The following KIF25 variants were observed in gnomAD, a reference collection of about 807,000 sequenced individuals.
KIF25 encodes the protein kinesin family member 25, also known as kinesin-like protein KIF25.
Under a neutral mutation model 32.9 loss-of-function variants are expected in KIF25, and 19 were observed. The ratio of observed to expected loss-of-function variants is 0.58; its 90% confidence interval spans 0.40 to 0.85. The LOEUF is 0.85. KIF25 is among the 40% of genes least tolerant of loss of function. KIF25 has a pLI of 0.00. For missense variants in KIF25, 485 were observed against 507.0 expected, an observed-to-expected ratio of 0.96 and a Z score of 0.42; for synonymous variants, 225 against 213.7, an observed-to-expected ratio of 1.05 and a Z score of -0.46.
chr6:168,032,336 G>A (rs183742998), intron 7 of KIF25, among the ~76,000 whole-genome samples: 1 of 152,322 alleles, frequency 6.6e-6, no homozygotes, highest in East Asian at 1.9e-4. Flanking sequence ...TTCTTAAATG[G>A]TTGAAAGACT....
At chr6:168,042,948 G>T (rs1395603366) in intron 12 of KIF25, among the ~76,000 whole-genome samples, 2 of 152,118 alleles carry the variant, frequency 1.3e-5, no homozygotes, top group Non-Finnish European at 2.9e-5. Flanking sequence ...TCCTGGTTGG[G>T]GCTCAGTTTC....
At chr6:168,036,804 A>G (rs1020856148) in intron 8 of KIF25, among the ~76,000 whole-genome samples, 2 of 152,212 alleles carry the variant, frequency 1.3e-5, no homozygotes, top group African/African-American at 4.8e-5. Context: ...GCTCACACCT[A>G]TAATCCCATA....
At chr6:168,024,828 A>T (rs992860051) in intron 5 of KIF25, among the ~76,000 whole-genome samples, 5 of 152,188 alleles carry the variant, frequency 3.3e-5, no homozygotes, top group South Asian at 2.1e-4. Context: ...AGGTGGGTGG[A>T]TCACCTGAGG....
chr6:168,017,154 C>A (rs533773691), intron 4 of KIF25, among the ~76,000 whole-genome samples: 3 of 152,350 alleles, frequency 2.0e-5, no homozygotes, highest in African/African-American at 7.2e-5. Flanking sequence ...CAGCTTTTGT[C>A]TTTATAAAAT....
At chr6:168,008,750 A>T (rs756614121) in intron 4 of KIF25, among the ~76,000 whole-genome samples, 58 of 151,992 alleles carry the variant, frequency 3.8e-4, no homozygotes, top group Admixed American at 1.3e-4. Context: ...AATTTCTTTC[A>T]TTAGTGTTTT....
rs1481557757 is a variant in KIF25 at position 167,998,148 on chromosome 6, C to G, written c.-1321C>G. On this transcript the variant is annotated 5_prime_UTR_variant, in exon 1 of 13. Transcript: ENST00000643607. ...AAGCACCTGGCACTTCAGAAAGTCT[C>G]ACTACGCTGCAGCTTTTTTTTTTTT... is the stretch of plus-strand genomic sequence containing the variant. 6.6e-5 allele frequency: 10 copies of G among 151,242 alleles called. 1 individual carries two copies. Among genetic ancestry groups the G allele is most frequent in the Admixed American group, 6.6e-4 (10 of 15,212 alleles). 9.4% of individuals were successfully genotyped at this position (151,242 alleles called of 1,614,324 possible).
intron 8 of KIF25, among the ~76,000 whole-genome samples, chr6:168,034,505 C>G (rs1239250679): frequency 6.6e-6 from 1 of 152,144 alleles, no homozygotes. Context: ...GTGATCCACT[C>G]GCCTCGGCCT....
At position 168,040,078 on chromosome 6, in the gene KIF25, G is replaced by C. The variant is rs762420155; in HGVS notation, c.508G>C (p.Ala170Pro). Residue 170 changes from alanine (A) to proline (P), a missense_variant, in exon 10 of 13, where the codon GCC (alanine) becomes CCC (proline). By Grantham distance (27) the Ala-to-Pro change is conservative. Around this residue, in one of 2 missense-constraint regions of KIF25, gnomAD observed 480 missense variants for 470.3 expected, o/e 1.02. Coordinates refer to ENST00000643607, the MANE Select transcript of KIF25 (RefSeq NM_030615.4). ...CCTTGTCTGTAGGGCTGTCGGCAGC[G>C]CCTCGAAACTGATGGAGCTCGTTCA... ...ALLASEAVGSASKLMELVHGG... is the reference protein window; with the variant it reads ...ALLASEAVGSPSKLMELVHGG... The C allele has an allele frequency of 1.8e-5, 29 of 1,612,834 alleles. No individual in the cohort carries two copies. The highest frequency in any genetic ancestry group is 2.2e-5 in the Non-Finnish European group (26 of 1,179,456).
At chr6:168,032,011 G>A (rs975134969) in intron 7 of KIF25, among the ~76,000 whole-genome samples, 1 of 152,160 alleles carries the variant, frequency 6.6e-6, no homozygotes, top group African/African-American at 2.4e-5. Flanking sequence ...CATTGGCTCT[G>A]GAATGTCTGG....
chr6:168,042,867 C>T (rs751244818), intron 12 of KIF25, 151 bp downstream of exon 12: 82 of 901,620 alleles, frequency 9.1e-5, no homozygotes, highest in African/African-American at 7.8e-4. Flanking sequence ...TCCCACGGCA[C>T]GGTGGTCATT....
At chr6:168,031,024 A>T (rs1430391100) in intron 7 of KIF25, among the ~76,000 whole-genome samples, 177 bp downstream of exon 7, 2 of 152,156 alleles carry the variant, frequency 1.3e-5, no homozygotes, top group African/African-American at 4.8e-5. Context: ...CTATTTCCGC[A>T]CCCTGGGAAA....
rs1400100013 is a variant in KIF25, at chr6:168,042,608, A to AGCC, written c.880_882dup (p.Arg294dup). 6.2e-7 allele frequency: 1 copy of AGCC among 1,613,996 alleles called. No individual in the cohort carries two copies. Among genetic ancestry groups the AGCC allele is most frequent in the Non-Finnish European group, 8.5e-7 (1 of 1,179,994 alleles). Reference sequence around the variant, plus strand: ...GGCCCTGAGGGAGATGGCGTGCATCAGCCGCAGCCTTGCGGCCCTGGCAGG... The same window carrying AGCC: ...GGCCCTGAGGGAGATGGCGTGCATCAGCCGCCGCAGCCTTGCGGCCCTGGCAGG... On this transcript the variant is annotated inframe_insertion, in exon 12 of 13. Transcript: ENST00000643607.
rs770979239 is a variant in KIF25, at chr6:168,030,760, CTT to C, written c.93-11_93-10del. ...TGCTTCTATTAATACAGCATTTTCA[CTT>C]TGTCTCTCAGGGTTTATGGTCCAGC... On this transcript the variant is annotated splice_polypyrimidine_tract_variant and intron_variant, in intron 6 of 12. Coordinates refer to ENST00000643607, the MANE Select transcript of KIF25 (RefSeq NM_030615.4). The C allele has an allele frequency of 1.6e-5, 25 of 1,602,666 alleles. No individual in the cohort carries two copies. In the South Asian group the frequency reaches 2.7e-4, roughly 17 times the overall value.
At chr6:168,024,832 C>A (rs1482245235) in intron 5 of KIF25, among the ~76,000 whole-genome samples, 1 of 151,976 alleles carries the variant, frequency 6.6e-6, no homozygotes, top group East Asian at 1.9e-4. Flanking sequence ...GGGTGGATCA[C>A]CTGAGGTCAG....
Position 168,040,064 on chromosome 6 carries a change from G to A in KIF25, c.495-1G>A. 1 of 1,611,506 alleles carries A rather than the reference G, an allele frequency of 6.2e-7. No homozygotes were observed. The highest frequency in any genetic ancestry group is 8.5e-7 in the Non-Finnish European group (1 of 1,178,674). On this transcript the variant is annotated splice_acceptor_variant, in intron 9 of 12. Transcript: ENST00000643607. LOFTEE classifies it high-confidence loss of function. Reference sequence around the variant, plus strand: ...TTCCCCACTGCTTGCCTTGTCTGTAGGGCTGTCGGCAGCGCCTCGAAACTG... The same window carrying A: ...TTCCCCACTGCTTGCCTTGTCTGTAAGGCTGTCGGCAGCGCCTCGAAACTG...
chr6:168,044,831 C>G lies in KIF25; in HGVS notation c.990C>G (p.Gly330=). The change falls in exon 13 of 13, where the codon GGC becomes GGG. Residue 330 remains glycine (G), a synonymous_variant. Transcript: ENST00000643607. ...TGTTGTTTTTCTATTTTAAAGGAGG[C>G]GATGCGAAGTTACTGGTGATTCTCT... ...LTHLLQDCLG[G]DAKLLVILCI... is the part of the protein sequence containing the mutation. The G allele has an allele frequency of 6.3e-7, 1 of 1,581,276 alleles. No individual in the cohort carries two copies. Among genetic ancestry groups the G allele is most frequent in the Non-Finnish European group, 8.6e-7 (1 of 1,161,548 alleles).
At chr6:168,007,016 G>T (rs930487609) in intron 4 of KIF25, among the ~76,000 whole-genome samples, 5 of 152,034 alleles carry the variant, frequency 3.3e-5, no homozygotes, top group Admixed American at 3.3e-4. Flanking sequence ...GCTTTATTTA[G>T]GTAAAATCGA....
intron 5 of KIF25, among the ~76,000 whole-genome samples, chr6:168,027,191 G>A (rs376828806): frequency 1.8e-4 from 27 of 152,244 alleles, no homozygotes; most frequent in African/African-American, 6.3e-4. Flanking sequence ...GGTGGCTCAC[G>A]CCTGTAATCC....
intron 6 of KIF25, 104 bp from the exon 7 acceptor site, chr6:168,030,669 G>C: frequency 2.7e-6 from 2 of 735,198 alleles, no homozygotes; most frequent in Non-Finnish European, 4.6e-6. Context: ...GCGTTGGGGG[G>C]ATGGGAAGTA....
Sources: allele counts gnomAD v4.1 joint callset (sites outside exome capture counted in the v4.1 genomes callset), GRCh38; gene constraint gnomAD v4.1.1; regional missense constraint gnomAD v4.1.1; transcripts MANE v1.5; gene names NCBI Gene and HGNC (gene_info 2026-07-23, HGNC 2026-07-21).